The following RGS13 variants were observed in gnomAD, a reference collection of about 807,000 sequenced individuals.
RGS13 encodes regulator of G-protein signalling 13.
In RGS13, 14 loss-of-function variants were observed where a neutral mutation model predicts 19.9. The observed-to-expected ratio is 0.70, with a 90% confidence interval of 0.46 to 1.10. The LOEUF is 1.10. Ranked by LOEUF, RGS13 falls within the 50% of genes least tolerant of loss-of-function variation. The pLI, the probability that RGS13 is intolerant of heterozygous loss-of-function variation, is 0.00. For synonymous variants in RGS13, 60 were observed against 56.8 expected (o/e 1.06, Z -0.25); for missense variants, 205 against 187.1 (o/e 1.10, Z -0.56).
intron 5 of RGS13, among the ~76,000 whole-genome samples, chr1:192,653,210 G>C (rs1005284355): frequency 5.3e-5 from 8 of 151,952 alleles, no homozygotes; most frequent in African/African-American, 1.9e-4. Flanking sequence ...AGAAAAAACA[G>C]ACAAAAGATT....
chr1:192,641,294 G>GAA (rs1558049309), intron 3 of RGS13, among the ~76,000 whole-genome samples: 3 of 110,480 alleles, frequency 2.7e-5, no homozygotes, highest in African/African-American at 8.3e-5. Flanking sequence ...AAGAAAGAAA[G>GAA]AAAGAAAGAA....
intron 3 of RGS13, among the ~76,000 whole-genome samples, chr1:192,642,492 T>A (rs1442195897): frequency 6.6e-6 from 1 of 151,856 alleles, no homozygotes; most frequent in Non-Finnish European, 1.5e-5. Context: ...CAGCTAATTT[T>A]TTTTTTCTTT....
intron 4 of RGS13, chr1:192,645,445 C>A (rs72736609): frequency 6.6e-6 from 1 of 152,242 alleles, no homozygotes; most frequent in Non-Finnish European, 1.5e-5. Flanking sequence ...GTTATTATCC[C>A]TATTATATAG....
intron 5 of RGS13, among the ~76,000 whole-genome samples, chr1:192,648,299 T>C (rs903160795): frequency 6.6e-6 from 1 of 152,174 alleles, no homozygotes; most frequent in African/African-American, 2.4e-5. Flanking sequence ...CAAAAACACT[T>C]AACTCGCTGT....
intron 6 of RGS13, 139 bp downstream of exon 6, chr1:192,658,506 T>C: frequency 1.4e-6 from 1 of 720,448 alleles, no homozygotes; most frequent in Non-Finnish European, 2.2e-6. Flanking sequence ...GCTAACCTTA[T>C]TTTACAGATA....
At chr1:192,654,631 G>A (rs111849168) in intron 5 of RGS13, among the ~76,000 whole-genome samples, 16 of 152,094 alleles carry the variant, frequency 1.1e-4, no homozygotes, top group East Asian at 3.9e-4. Context: ...GTACTGCAAC[G>A]TAGTGCACCC....
chr1:192,656,841 T>C (rs188296943), intron 5 of RGS13, among the ~76,000 whole-genome samples: 1 of 152,260 alleles, frequency 6.6e-6, no homozygotes, highest in African/African-American at 2.4e-5. Flanking sequence ...TACTTCGTTA[T>C]CTTTGTTCCT....
At chr1:192,653,795 A>G (rs898420672) in intron 5 of RGS13, among the ~76,000 whole-genome samples, 1 of 152,104 alleles carries the variant, frequency 6.6e-6, no homozygotes, top group Non-Finnish European at 1.5e-5. Context: ...GCAATTATTC[A>G]TGAACAAAGG....
rs1250141481 is a variant in RGS13 at position 192,658,249 on chromosome 1, A to C, written c.176A>C (p.Glu59Ala). ...AAYLKMEHSD[E>A]NIQFWMACET... ...TATTTAAAAATGGAGCACAGTGACG[A>C]GAATATTCAATTCTGGATGGCATGT... Residue 59 changes from glutamate to alanine, a missense_variant, in exon 6 of 7, where the codon GAG (glutamate) becomes GCG (alanine). Physicochemically the swap from Glu to Ala is moderately radical, Grantham distance 107 (BLOSUM62 -1). Coordinates refer to ENST00000391995, the MANE Select transcript of RGS13 (RefSeq NM_002927.5). The C allele has an allele frequency of 6.2e-7, 1 of 1,613,522 alleles. No individual in the cohort carries two copies. The highest frequency in any genetic ancestry group is 8.5e-7 in the Non-Finnish European group (1 of 1,179,622).
intron 3 of RGS13, among the ~76,000 whole-genome samples, chr1:192,641,537 T>C (rs1663123014): frequency 6.6e-6 from 1 of 152,162 alleles, no homozygotes; most frequent in Non-Finnish European, 1.5e-5. Context: ...ATGTCATTAA[T>C]GAGCATCTTG....
chr1:192,637,792 C>T (rs1451693858), intron 2 of RGS13, 132 bp downstream of exon 2: 2 of 151,798 alleles, frequency 1.3e-5, no homozygotes, highest in Non-Finnish European at 2.9e-5. Flanking sequence ...TATTTTTATC[C>T]ATATTGACTA....
In RGS13 at chr1:192,658,384, G is replaced by A; in HGVS notation, c.294+17G>A. The stretch of plus-strand genomic sequence containing the variant: ...CCTAGAGAGGTAACTACCTGACAAT[G>A]ACAGGAATGGAAATCAGTTCATCCC... On this transcript the variant is annotated intron_variant, in intron 6 of 6. Coordinates refer to ENST00000391995, the MANE Select transcript of RGS13 (RefSeq NM_002927.5). The A allele has an allele frequency of 1.2e-6, 2 of 1,601,634 alleles. No homozygotes were observed. The highest frequency in any genetic ancestry group is 1.7e-6 in the Non-Finnish European group (2 of 1,174,926).
intron 5 of RGS13, among the ~76,000 whole-genome samples, chr1:192,651,746 C>T (rs866541551): frequency 5.3e-5 from 8 of 151,994 alleles, no homozygotes; most frequent in Non-Finnish European, 1.0e-4. Flanking sequence ...GGAGAGAAGA[C>T]GGTGAATATC....
At chr1:192,654,418 GTAATAT>G (rs1179494714) in intron 5 of RGS13, among the ~76,000 whole-genome samples, 4 of 151,486 alleles carry the variant, frequency 2.6e-5, no homozygotes, top group African/African-American at 7.3e-5. Flanking sequence ...TATAATATTA[GTAATAT>G]TAATATTAAT....
At chr1:192,651,133 A>G (rs968586354) in intron 5 of RGS13, among the ~76,000 whole-genome samples, 1 of 152,122 alleles carries the variant, frequency 6.6e-6, no homozygotes, top group Admixed American at 6.6e-5. Flanking sequence ...ATGGAAAAGG[A>G]GCACAAAGTG....
intron 3 of RGS13, among the ~76,000 whole-genome samples, chr1:192,639,792 AC>A (rs1663075228): frequency 6.6e-6 from 1 of 152,140 alleles, no homozygotes; most frequent in African/African-American, 2.4e-5. Flanking sequence ...AGGCCCCAGA[AC>A]TATTTGAATA....
intron 5 of RGS13, among the ~76,000 whole-genome samples, chr1:192,652,825 G>A (rs1251373441): frequency 6.6e-6 from 1 of 151,946 alleles, no homozygotes; most frequent in Non-Finnish European, 1.5e-5. Context: ...GTTGAGGCAC[G>A]GGGTACATGA....
rs748857400 is a variant in RGS13 at position 192,658,246 on chromosome 1, A to T, written c.173A>T (p.Asp58Val). The change falls in exon 6 of 7, where the codon GAC becomes GTC. Residue 58 changes from aspartate to valine, a missense_variant. Asp to Val is a radical substitution (Grantham distance 152). Coordinates refer to ENST00000391995, the MANE Select transcript of RGS13 (RefSeq NM_002927.5). The part of the protein sequence containing the change: ...YAAYLKMEHS[D>V]ENIQFWMACE... ...GCATATTTAAAAATGGAGCACAGTG[A>T]CGAGAATATTCAATTCTGGATGGCA... The T allele has an allele frequency of 7.4e-6, 12 of 1,613,440 alleles. No homozygotes were observed. In the African/African-American group the frequency reaches 1.1e-4, roughly 14 times the overall value.
At chr1:192,653,343 G>A (rs549304232) in intron 5 of RGS13, among the ~76,000 whole-genome samples, 2 of 152,018 alleles carry the variant, frequency 1.3e-5, no homozygotes, top group Non-Finnish European at 2.9e-5. Flanking sequence ...ATTGGAGAGC[G>A]TGGAGTAAGT....
Sources: allele counts gnomAD v4.1 joint callset (sites outside exome capture counted in the v4.1 genomes callset), GRCh38; gene constraint gnomAD v4.1.1; transcripts MANE v1.5; gene names NCBI Gene and HGNC (gene_info 2026-07-23, HGNC 2026-07-21).